The following ARAP2 variants were observed in gnomAD, a reference collection of about 807,000 sequenced individuals.
ARAP2 encodes the protein ArfGAP with RhoGAP domain, ankyrin repeat and PH domain 2, also known as arf-GAP with Rho-GAP domain, ANK repeat and PH domain-containing protein 2.
In ARAP2, 148 loss-of-function variants were observed where a neutral mutation model predicts 194.5. The observed-to-expected ratio is 0.76, with a 90% CI of 0.67 to 0.87. The LOEUF is 0.87. ARAP2 is among the 40% of genes least tolerant of loss of function. The probability of loss-of-function intolerance (pLI) is 0.00; values close to 1 mark genes in which losing one functional copy is unlikely to be tolerated. For synonymous variants in ARAP2, 695 were observed against 683.5 expected, an observed-to-expected ratio of 1.02 and a Z score of -0.26; for missense variants, 2,128 against 1,989.7, an observed-to-expected ratio of 1.07 and a Z score of -1.32.
intron 14 of ARAP2, among the ~76,000 whole-genome samples, chr4:36,159,079 G>A (rs958965981): frequency 1.3e-5 from 2 of 152,070 alleles, no homozygotes; most frequent in Non-Finnish European, 2.9e-5. Context: ...ATTTAATGTT[G>A]GTGGAAATGA....
At chr4:36,011,436 T>C (rs766510892) in intron 9 of ARAP2, among the ~76,000 whole-genome samples, 12 of 152,218 alleles carry the variant, frequency 7.9e-5, no homozygotes, top group Non-Finnish European at 1.2e-4. Flanking sequence ...GATTAGTATA[T>C]TAAGGCCCTG....
At chr4:36,157,955 C>T (rs762646257) in intron 15 of ARAP2, among the ~76,000 whole-genome samples, 3 of 152,080 alleles carry the variant, frequency 2.0e-5, no homozygotes, top group African/African-American at 7.2e-5. Context: ...ACTAGGCTCC[C>T]GAGCCCGATC....
At chr4:36,093,241 A>G (rs1182813330) in intron 27 of ARAP2, among the ~76,000 whole-genome samples, 1 of 152,108 alleles carries the variant, frequency 6.6e-6, no homozygotes, top group Non-Finnish European at 1.5e-5. Context: ...AATCAGGAAA[A>G]GTAACTGATA....
At position 36,147,558 on chromosome 4, in the gene ARAP2, C is replaced by A; in HGVS notation, c.3189G>T (p.Leu1063=). 1.2e-6 allele frequency: 2 copies of A among 1,609,532 alleles called. No homozygotes were observed. The highest frequency in any genetic ancestry group is 1.1e-5 in the South Asian group (1 of 89,802). ...VQGDRMHLRR[L]QELTISTMVQ... ...GAAAAAAGCTCTTACTTAGCTCTTG[C>A]AGTCTTCTTAAGTGCATTCTATCTC... The change falls in exon 18 of 33, where the codon CTG becomes CTT. Residue 1063 remains leucine, a synonymous_variant. Coordinates refer to ENST00000303965, the MANE Select transcript of ARAP2 (RefSeq NM_015230.4).
At chr4:36,146,443 G>A (rs1380447588) in intron 19 of ARAP2, among the ~76,000 whole-genome samples, 1 of 151,984 alleles carries the variant, frequency 6.6e-6, no homozygotes, top group Non-Finnish European at 1.5e-5. Flanking sequence ...CAGGTTGTGG[G>A]TATCTCTGAA....
intron 31 of ARAP2, among the ~76,000 whole-genome samples, chr4:36,075,834 C>G (rs11939051): frequency 0.93 from 141,655 of 152,236 alleles, 65,929 homozygotes; most frequent in South Asian, 0.96. Flanking sequence ...TTACTCTGTA[C>G]ATCCATCACA....
intron 27 of ARAP2, among the ~76,000 whole-genome samples, chr4:36,093,009 G>A (rs1344866612): frequency 6.6e-6 from 1 of 152,118 alleles, no homozygotes; most frequent in African/African-American, 2.4e-5. Flanking sequence ...TTTACATCAT[G>A]GAGTATTATG....
intron 6 of ARAP2, among the ~76,000 whole-genome samples, chr4:36,201,712 TACAC>T (rs910909777): frequency 1.3e-5 from 2 of 152,164 alleles, no homozygotes; most frequent in Non-Finnish European, 2.9e-5. Flanking sequence ...CAACACTGTA[TACAC>T]ACACAATTAA....
Position 36,210,544 on chromosome 4 carries a change from A to C in ARAP2, c.1333T>G (p.Ser445Ala), listed in dbSNP as rs1746531682. 6.2e-7 allele frequency: 1 copy of C among 1,613,786 alleles called. No individual in the cohort carries two copies. Among genetic ancestry groups the C allele is most frequent in the Admixed American group, 1.7e-5 (1 of 59,974 alleles). Residue 445 changes from serine (S) to alanine (A), a missense_variant, in exon 6 of 33, where the codon TCC (serine) becomes GCC (alanine). Ser to Ala is a moderately conservative substitution (Grantham distance 99). Transcript: ENST00000303965. ...SRTQKALILD[S>A]VNRHSYPLSS... is the part of the protein sequence containing the mutation. The stretch of plus-strand genomic sequence containing the variant: ...AACGGATAACTGTGCCTATTAACGG[A>C]GTCCAAAATCAAGGCTTTTTGAGTC...
chr4:36,094,022 T>G (rs1209002973), intron 27 of ARAP2, among the ~76,000 whole-genome samples: 1 of 152,188 alleles, frequency 6.6e-6, no homozygotes, highest in Non-Finnish European at 1.5e-5. Context: ...CTTTTCCTAC[T>G]ATTATGATGG....
At chr4:36,120,437 T>G (rs1367412736) in intron 23 of ARAP2, among the ~76,000 whole-genome samples, 1 of 151,622 alleles carries the variant, frequency 6.6e-6, no homozygotes, top group African/African-American at 2.4e-5. Context: ...TTACACTAAC[T>G]GTCTTGACTT....
chr4:36,110,546 C>A (rs1295917704), intron 26 of ARAP2, among the ~76,000 whole-genome samples: 1 of 151,618 alleles, frequency 6.6e-6, no homozygotes, highest in Non-Finnish European at 1.5e-5. Flanking sequence ...AGGATGGGTT[C>A]GGATTTAAGG....
rs1227434443 is a variant in ARAP2, at chr4:36,232,366, T to C, written c.-159-2721A>G. Among the ~76,000 whole-genome samples the C allele has an allele frequency of 8.5e-5, 13 of 152,228 alleles. No homozygotes were observed. In the East Asian group the frequency reaches 2.3e-3, roughly 27 times the overall value. On this transcript the variant is annotated intron_variant, in intron 1 of 32. Transcript: ENST00000303965. ...AAATTCGGTATGTAACTCCACATGC[T>C]CAACCAGATAAAGTCTATGCTGATA... is the stretch of plus-strand genomic sequence containing the variant.
At chr4:36,024,414 T>C (rs972790827) in intron 5 of ARAP2, among the ~76,000 whole-genome samples, 13 of 152,326 alleles carry the variant, frequency 8.5e-5, no homozygotes, top group South Asian at 8.3e-4. Flanking sequence ...AATATTGGAA[T>C]GCATAAGTCA....
At chr4:36,051,402 G>A (rs957801310) in intron 3 of ARAP2, among the ~76,000 whole-genome samples, 9 of 152,058 alleles carry the variant, frequency 5.9e-5, no homozygotes, top group South Asian at 4.1e-4. Context: ...GCTTGAACCC[G>A]GGAGGCAGAG....
chr4:36,239,768 G>C (rs1339594670), intron 1 of ARAP2, among the ~76,000 whole-genome samples: 1 of 152,178 alleles, frequency 6.6e-6, no homozygotes, highest in African/African-American at 2.4e-5. Context: ...TATAGTATGT[G>C]TTATTTTTAC....
chr4:36,179,358 C>T (rs1399528409), intron 8 of ARAP2, among the ~76,000 whole-genome samples: 6 of 152,040 alleles, frequency 3.9e-5, no homozygotes, highest in East Asian at 3.9e-4. Flanking sequence ...TAAAAGGTAA[C>T]GTGGCATCAG....
intron 22 of ARAP2, among the ~76,000 whole-genome samples, chr4:36,123,251 G>A (rs1723085772): frequency 6.6e-6 from 1 of 151,708 alleles, no homozygotes; most frequent in Admixed American, 6.6e-5. Context: ...ACATTGTGGT[G>A]CATGATAAAC....
chr4:36,119,390 TATACACAAA>T (rs1722140692), intron 24 of ARAP2, among the ~76,000 whole-genome samples: 1 of 151,564 alleles, frequency 6.6e-6, no homozygotes, highest in South Asian at 2.1e-4. Flanking sequence ...GTCATGGTTT[TATACACAAA>T]AGTTGATTTT....
Sources: allele counts gnomAD v4.1 joint callset (sites outside exome capture counted in the v4.1 genomes callset), GRCh38; gene constraint gnomAD v4.1.1; transcripts MANE v1.5; gene names NCBI Gene and HGNC (gene_info 2026-07-23, HGNC 2026-07-21).